The following STXBP5L variants were observed in gnomAD, a reference collection of about 807,000 sequenced individuals.
STXBP5L encodes syntaxin binding protein 5L.
Under a neutral mutation model 144.5 loss-of-function variants are expected in STXBP5L, and 65 were observed. That is an observed-to-expected ratio of 0.45 (90% confidence interval 0.37 to 0.55). STXBP5L has a LOEUF of 0.55. STXBP5L is among the 20% of genes least tolerant of loss of function. The probability of loss-of-function intolerance (pLI) is 0.00; values close to 1 mark genes in which losing one functional copy is unlikely to be tolerated. For synonymous variants in STXBP5L, 505 were observed against 469.6 expected, an observed-to-expected ratio of 1.08 and a Z score of -0.97; for missense variants, 1,298 against 1,405.5, an observed-to-expected ratio of 0.92 and a Z score of 1.22.
At position 121,216,449 on chromosome 3, in the gene STXBP5L, A is replaced by G. The variant is rs189731996; in HGVS notation, c.957-6554A>G. 1.7e-3 allele frequency among the ~76,000 whole-genome samples: 263 copies of G among 152,136 alleles called. 1 individual carries two copies. The highest frequency in any genetic ancestry group is 5.5e-3 in the African/African-American group (229 of 41,476). ...TCTAACAGTCAGGCCCCTCTGCTGC[A>G]GTTTTGCTAGAGTTTGCTGAAGGTT... On this transcript the variant is annotated intron_variant, in intron 10 of 26. Transcript: ENST00000471454.
chr3:121,237,182 CT>C (rs2049509748), intron 12 of STXBP5L, among the ~76,000 whole-genome samples: 1 of 152,232 alleles, frequency 6.6e-6, no homozygotes. Context: ...GGCACCCAGG[CT>C]TTTTGATATA....
intron 2 of STXBP5L, among the ~76,000 whole-genome samples, chr3:120,910,143 T>C (rs746966424): frequency 6.6e-6 from 1 of 152,166 alleles, no homozygotes; most frequent in Non-Finnish European, 1.5e-5. Context: ...ATAAAGCTAC[T>C]AGCATGTTGC....
At chr3:120,982,700 C>T (rs1388860535) in intron 3 of STXBP5L, among the ~76,000 whole-genome samples, 2 of 152,150 alleles carry the variant, frequency 1.3e-5, no homozygotes, top group Non-Finnish European at 1.5e-5. Flanking sequence ...GGGGGAGTGG[C>T]TCCACTTTTT....
chr3:121,333,718 A>G (rs2044405188), intron 20 of STXBP5L, among the ~76,000 whole-genome samples: 1 of 152,184 alleles, frequency 6.6e-6, no homozygotes, highest in South Asian at 2.1e-4. Flanking sequence ...AAGAAATACA[A>G]GTAACCAGCA....
Position 121,411,962 on chromosome 3 carries a change from C to A in STXBP5L, c.2949-1196C>A, listed in dbSNP as rs1186766444. 3.3e-5 allele frequency among the ~76,000 whole-genome samples: 5 copies of A among 152,092 alleles called. No individual in the cohort carries two copies. The East Asian group carries it at 7.7e-4, about 23-fold the overall frequency. ...CATGTGAAGTGCTACAAAAAGTGCC[C>A]CTGAAATTGCTGGCCACTGCATTTA... On this transcript the variant is annotated intron_variant, in intron 23 of 26. Transcript: ENST00000471454.
intron 20 of STXBP5L, among the ~76,000 whole-genome samples, chr3:121,352,402 C>G (rs550065972): frequency 6.6e-6 from 1 of 152,014 alleles, no homozygotes; most frequent in Non-Finnish European, 1.5e-5. Flanking sequence ...CCTTCACATC[C>G]CTTGTAAGCT....
At chr3:121,024,158 T>C (rs1429879059) in intron 3 of STXBP5L, among the ~76,000 whole-genome samples, 3 of 152,162 alleles carry the variant, frequency 2.0e-5, no homozygotes, top group Non-Finnish European at 2.9e-5. Context: ...GAGAAAATAT[T>C]TGCAAAACAT....
At chr3:121,095,925 C>G (rs550450810) in intron 5 of STXBP5L, among the ~76,000 whole-genome samples, 5 of 152,136 alleles carry the variant, frequency 3.3e-5, no homozygotes, top group Admixed American at 3.3e-4. Flanking sequence ...TTTTATCTAC[C>G]TTTGGTCTTC....
intron 3 of STXBP5L, among the ~76,000 whole-genome samples, chr3:121,021,014 C>G (rs1348386018): frequency 6.6e-6 from 1 of 152,052 alleles, no homozygotes; most frequent in Non-Finnish European, 1.5e-5. Context: ...TATCTGCTGT[C>G]TTTGAGAGAC....
rs2043853321 is a variant in STXBP5L, at chr3:121,318,378, T to A, written c.2111-97T>A. ...TGGACATGATAAAGTAGTTTTCACA[T>A]AAAAAAAAGCCTTTTAAACTTGTAG... On this transcript the variant is annotated intron_variant, in intron 19 of 26. Coordinates refer to ENST00000471454, the MANE Select transcript of STXBP5L (RefSeq NM_001308330.2). 5.3e-6 allele frequency: 4 copies of A among 761,624 alleles called. No homozygotes were observed. The East Asian group carries it at 9.6e-5, about 18-fold the overall frequency. 47.2% of individuals were successfully genotyped at this position (761,624 alleles called of 1,614,324 possible). A position where few individuals can be genotyped will look rare whatever the true frequency, so the allele number is the denominator to read the frequency against.
intron 3 of STXBP5L, among the ~76,000 whole-genome samples, chr3:120,976,654 T>G (rs1340828256): frequency 6.6e-6 from 1 of 152,176 alleles, no homozygotes; most frequent in African/African-American, 2.4e-5. Flanking sequence ...CAATTTTGGA[T>G]CTTTCCTGCT....
intron 19 of STXBP5L, among the ~76,000 whole-genome samples, chr3:121,308,256 TA>T (rs777749262): frequency 1.8e-4 from 27 of 152,254 alleles, no homozygotes; most frequent in African/African-American, 4.3e-4. Context: ...TCCCAGAACT[TA>T]AAATAAAATT....
intron 3 of STXBP5L, among the ~76,000 whole-genome samples, chr3:121,012,292 G>C (rs948780209): frequency 2.0e-5 from 3 of 151,734 alleles, no homozygotes; most frequent in African/African-American, 7.3e-5. Flanking sequence ...ACAGGCTTTT[G>C]TGTGCATATG....
intron 12 of STXBP5L, among the ~76,000 whole-genome samples, chr3:121,234,804 G>A (rs536282164): frequency 4.2e-4 from 64 of 152,042 alleles, no homozygotes; most frequent in Middle Eastern, 3.4e-3. Context: ...TTGGGTAGAT[G>A]TAAGGATTTA....
intron 19 of STXBP5L, among the ~76,000 whole-genome samples, chr3:121,304,630 T>C (rs979506989): frequency 6.6e-6 from 1 of 151,964 alleles, no homozygotes; most frequent in African/African-American, 2.4e-5. Context: ...AAAAAAGAAA[T>C]TACAAAGGAA....
chr3:120,959,058 C>A (rs1285368329), intron 3 of STXBP5L, among the ~76,000 whole-genome samples: 1 of 152,288 alleles, frequency 6.6e-6, no homozygotes, highest in African/African-American at 2.4e-5. Context: ...TCAGCAAAGT[C>A]TCAGGATACA....
intron 5 of STXBP5L, among the ~76,000 whole-genome samples, chr3:121,062,812 G>A (rs2041349690): frequency 6.6e-6 from 1 of 152,016 alleles, no homozygotes; most frequent in Admixed American, 6.6e-5. Flanking sequence ...ATTGATACTT[G>A]TATATGCTTC....
At chr3:121,041,085 T>G (rs1447701118) in intron 3 of STXBP5L, among the ~76,000 whole-genome samples, 2 of 151,902 alleles carry the variant, frequency 1.3e-5, no homozygotes, top group Non-Finnish European at 2.9e-5. Flanking sequence ...TCATTCCTCC[T>G]CCTTCCTTTT....
At chr3:120,992,047 G>T (rs976684496) in intron 3 of STXBP5L, among the ~76,000 whole-genome samples, 2 of 151,842 alleles carry the variant, frequency 1.3e-5, no homozygotes, top group African/African-American at 2.4e-5. Flanking sequence ...GCTTTAAATT[G>T]ACCTATGTCA....
Sources: gnomAD v4.1 joint callset for allele counts (sites outside exome capture counted in the v4.1 genomes callset) on GRCh38, gnomAD v4.1.1 for gene constraint, MANE v1.5 for transcripts, NCBI Gene and HGNC (gene_info 2026-07-23, HGNC 2026-07-21) for gene names.